Variants in RRAGC observed in about 807,000 individuals in gnomAD.
The protein encoded by RRAGC is ras-related GTP-binding protein C.
A neutral mutation model predicts 37.1 loss-of-function variants in RRAGC; 8 were observed. That is an observed-to-expected ratio of 0.22 (90% confidence interval 0.13 to 0.39). RRAGC has a LOEUF of 0.39. RRAGC is among the 10% of genes least tolerant of loss of function. RRAGC has a pLI of 1.00. For synonymous variants in RRAGC, 190 were observed against 181.1 expected (o/e 1.05, Z -0.39); for missense variants, 342 against 497.6 (o/e 0.69, Z 2.98).
At chr1:38,842,190 T>C (rs1641972506) in intron 6 of RRAGC, among the ~76,000 whole-genome samples, 1 of 152,164 alleles carries the variant, frequency 6.6e-6, no homozygotes, top group African/African-American at 2.4e-5. Context: ...GAGAATGGCA[T>C]GAACCCGGGA....
chr1:38,855,562 C>A, intron 3 of RRAGC, 146 bp downstream of exon 3: 1 of 699,604 alleles, frequency 1.4e-6, no homozygotes. Flanking sequence ...CCCCAGACAG[C>A]CTGGAATTCA....
At chr1:38,847,800 C>T (rs1642046914) in intron 5 of RRAGC, 1 of 152,218 alleles carries the variant, frequency 6.6e-6, no homozygotes, top group Non-Finnish European at 1.5e-5. Flanking sequence ...AATCCCAACA[C>T]TTTGGGAGGC....
intron 1 of RRAGC, 93 bp downstream of exon 1, chr1:38,859,317 G>A (rs1282671855): frequency 4.3e-6 from 5 of 1,169,512 alleles, no homozygotes; most frequent in Non-Finnish European, 6.0e-6. Flanking sequence ...ACGGAGCGCA[G>A]GCGGGCCCCG....
intron 6 of RRAGC, among the ~76,000 whole-genome samples, chr1:38,844,868 G>GA (rs1642009583): frequency 6.6e-6 from 1 of 152,140 alleles, no homozygotes; most frequent in Non-Finnish European, 1.5e-5. Context: ...ACGAATATAT[G>GA]AAAAAAAGCT....
At chr1:38,856,207 G>C (rs1642165887) in intron 2 of RRAGC, among the ~76,000 whole-genome samples, 1 of 151,988 alleles carries the variant, frequency 6.6e-6, no homozygotes, top group African/African-American at 2.4e-5. Flanking sequence ...CATTTATTCA[G>C]TGTGTCACTT....
In RRAGC at chr1:38,838,589, TA is replaced by T. The variant is rs1366379955; in HGVS notation, c.*963del. 3 of 152,236 alleles carry T rather than the reference TA, an allele frequency of 2.0e-5. No individual in the cohort carries two copies. Among genetic ancestry groups the T allele is most frequent in the Non-Finnish European group, 2.9e-5 (2 of 68,044 alleles). 9.4% of individuals were successfully genotyped at this position (152,236 alleles called of 1,614,324 possible). On this transcript the variant is annotated 3_prime_UTR_variant, in exon 7 of 7. Transcript: ENST00000373001. ...GTCAGAATACTAGAGACAAAGTATG[TA>T]AAACAATGCCTGTTGCAGCACCACG...
At chr1:38,856,033 A>T (rs1642163223) in intron 2 of RRAGC, 126 bp from the exon 3 acceptor site, 5 of 627,220 alleles carry the variant, frequency 8.0e-6, no homozygotes, top group Non-Finnish European at 1.1e-5. Flanking sequence ...CAATATTCAA[A>T]CATTCAAATA....
chr1:38,851,827 A>G, intron 4 of RRAGC, 70 bp from the exon 5 acceptor site: 1 of 1,367,336 alleles, frequency 7.3e-7, no homozygotes, highest in Non-Finnish European at 1.0e-6. Flanking sequence ...TCGAAGATCT[A>G]GAATTACTGA....
chr1:38,852,078 A>G (rs1642107025), intron 4 of RRAGC, among the ~76,000 whole-genome samples: 1 of 152,258 alleles, frequency 6.6e-6, no homozygotes, highest in Non-Finnish European at 1.5e-5. Context: ...CATTTTCAAT[A>G]ATCCTCTTAT....
In RRAGC at chr1:38,859,591, G is replaced by C. The variant is rs1342905471; in HGVS notation, c.56C>G (p.Ala19Gly). The C allele has an allele frequency of 6.4e-7, 1 of 1,567,480 alleles. No homozygotes were observed. Among genetic ancestry groups the C allele is most frequent in the African/African-American group, 1.4e-5 (1 of 73,996 alleles). Residue 19 changes from alanine to glycine, a missense_variant, in exon 1 of 7, where the codon GCC (alanine) becomes GGC (glycine). Physicochemically the swap from Ala to Gly is moderately conservative, Grantham distance 60 (BLOSUM62 0). Coordinates refer to ENST00000373001, the MANE Select transcript of RRAGC (RefSeq NM_022157.4). ...ETPLAGSYGA[A>G]DSFPKDFGYG... ...GCCGAAGTCCTTTGGAAACGAATCG[G>C]CCGCGCCGTAACTGCCGGCGAGGGG...
At chr1:38,844,853 A>G (rs1642009333) in intron 6 of RRAGC, among the ~76,000 whole-genome samples, 1 of 152,248 alleles carries the variant, frequency 6.6e-6, no homozygotes, top group Non-Finnish European at 1.5e-5. Flanking sequence ...ACATTTATGC[A>G]GCCAACGAAT....
At position 38,859,487 on chromosome 1, in the gene RRAGC, GACCACAGCC is replaced by G; in HGVS notation, c.151_159del (p.Gly51_Gly53del). On this transcript the variant is annotated inframe_deletion, in exon 1 of 7. Transcript: ENST00000373001. ...GGCTTGGAGCTGTCAGCGCCCCCCG[GACCACAGCC>G]ACCGCCTGCCCCTGCCCCAACCCCT... 4.5e-6 allele frequency: 7 copies of G among 1,547,902 alleles called. No homozygotes were observed. Among genetic ancestry groups the G allele is most frequent in the Non-Finnish European group, 6.1e-6 (7 of 1,146,654 alleles).
chr1:38,859,358 G>A lies in RRAGC; in HGVS notation c.237+52C>T, dbSNP rs1642206691. On this transcript the variant is annotated intron_variant, in intron 1 of 6. Coordinates refer to ENST00000373001, the MANE Select transcript of RRAGC (RefSeq NM_022157.4). ...CGCCCTCCCGGGCGTCCCCGCTACC[G>A]GCCACCTGAGAACCGGGGAGGGGGC... 7 of 1,493,140 alleles carry A rather than the reference G, an allele frequency of 4.7e-6. No individual in the cohort carries two copies. In the Admixed American group the frequency reaches 6.1e-5, roughly 13 times the overall value. 92.5% of individuals were successfully genotyped at this position (1,493,140 alleles called of 1,614,324 possible).
chr1:38,843,164 T>C (rs925666458), intron 6 of RRAGC, among the ~76,000 whole-genome samples: 1 of 152,072 alleles, frequency 6.6e-6, no homozygotes, highest in Non-Finnish European at 1.5e-5. Context: ...ATCCTATCTC[T>C]ACAAAATATT....
chr1:38,855,006 C>T (rs1487032897), intron 3 of RRAGC, among the ~76,000 whole-genome samples: 1 of 152,096 alleles, frequency 6.6e-6, no homozygotes. Flanking sequence ...TTTTAGAATG[C>T]AAATACACAA....
Position 38,851,644 on chromosome 1 carries a change from A to G in RRAGC, c.870T>C (p.Asp290=). The part of the protein sequence containing the change: ...QSYELCCDMI[D]VVIDVSCIYG... ...ATATACAAGACACATCAATTACAAC[A>G]TCGATCATGTCACAGCAAAGTTCAT... Residue 290 remains aspartate (D), a synonymous_variant, in exon 5 of 7, where the codon GAT becomes GAC. Coordinates refer to ENST00000373001, the MANE Select transcript of RRAGC (RefSeq NM_022157.4). The G allele has an allele frequency of 6.4e-7, 1 of 1,570,178 alleles. No individual in the cohort carries two copies. Among genetic ancestry groups the G allele is most frequent in the South Asian group, 1.2e-5 (1 of 83,664 alleles).
chr1:38,852,659 AC>A, intron 3 of RRAGC, 171 bp from the exon 4 acceptor site: 2 of 441,626 alleles, frequency 4.5e-6, no homozygotes, highest in African/African-American at 4.1e-5. Context: ...ACACTTTCCC[AC>A]CTGGCTTCAT....
intron 1 of RRAGC, among the ~76,000 whole-genome samples, chr1:38,857,833 G>A (rs1011233401): frequency 3.3e-5 from 5 of 152,108 alleles, no homozygotes; most frequent in Non-Finnish European, 5.9e-5. Context: ...GGTGGTGCAC[G>A]CCTGTAGTCC....
Position 38,852,491 on chromosome 1 carries a change from GA to G in RRAGC, c.642-4del. The G allele has an allele frequency of 7.6e-7, 1 of 1,321,746 alleles. No homozygotes were observed. Among genetic ancestry groups the G allele is most frequent in the Non-Finnish European group, 1.1e-6 (1 of 921,642 alleles). The allele number at this position is 1,321,746 out of a possible 1,614,324, so 81.9% of individuals were successfully genotyped here. A position where few individuals can be genotyped will look rare whatever the true frequency, so the allele number is the denominator to read the frequency against. On this transcript the variant is annotated splice_polypyrimidine_tract_variant and splice_region_variant and intron_variant, in intron 3 of 6. Coordinates refer to ENST00000373001, the MANE Select transcript of RRAGC (RefSeq NM_022157.4). Reference sequence around the variant, plus strand: ...CATAGATACTAGTCAGATAAAAGCTGAAAAACACAACATAGCTTGATTAATT... The same window carrying G: ...CATAGATACTAGTCAGATAAAAGCTGAAAACACAACATAGCTTGATTAATT...
Sources: gnomAD v4.1 joint callset for allele counts (sites outside exome capture counted in the v4.1 genomes callset) on GRCh38, gnomAD v4.1.1 for gene constraint, MANE v1.5 for transcripts, NCBI Gene and HGNC (gene_info 2026-07-23, HGNC 2026-07-21) for gene names.